DNAJC1: variants seen among roughly 807,000 people sequenced by gnomAD.
DNAJC1 encodes the protein DnaJ heat shock protein family (Hsp40) member C1, also known as dnaJ homolog subfamily C member 1.
DNAJC1 carries 58 observed loss-of-function variants against 76.6 expected under a neutral mutation model. The ratio of observed to expected loss-of-function variants is 0.76; its 90% CI spans 0.61 to 0.94. The LOEUF (loss-of-function observed/expected upper bound fraction) is 0.94, where lower values mean the gene tolerates loss of function less well. Among genes scored for constraint, DNAJC1 ranks in the 40% least tolerant of loss-of-function variants. DNAJC1 has a pLI of 0.00. For missense variants in DNAJC1, 689 were observed against 677.3 expected (o/e 1.02, Z -0.19); for synonymous variants, 258 against 267.9 (o/e 0.96, Z 0.36).
chr10:21,924,739 A>C (rs546037678), intron 3 of DNAJC1, among the ~76,000 whole-genome samples: 35 of 152,316 alleles, frequency 2.3e-4, no homozygotes, highest in Middle Eastern at 3.4e-3. Context: ...ATAATTAGGC[A>C]AACTGTTAGG....
intron 8 of DNAJC1, among the ~76,000 whole-genome samples, chr10:21,857,202 T>G (rs765261947): frequency 6.6e-6 from 1 of 152,164 alleles, no homozygotes; most frequent in Non-Finnish European, 1.5e-5. Flanking sequence ...CCATTTTACT[T>G]GGAAATGAAG....
intron 1 of DNAJC1, among the ~76,000 whole-genome samples, chr10:21,992,846 T>C (rs1838348302): frequency 6.6e-6 from 1 of 152,228 alleles, no homozygotes; most frequent in Admixed American, 6.5e-5. Flanking sequence ...CAGTGGATCG[T>C]TACAGATCAT....
chr10:21,784,842 C>A (rs180857199), intron 9 of DNAJC1, among the ~76,000 whole-genome samples: 1 of 151,620 alleles, frequency 6.6e-6, no homozygotes, highest in African/African-American at 2.4e-5. Context: ...TAGGTGGGAA[C>A]TGAACAATGA....
In DNAJC1 at chr10:21,759,233, CT is replaced by C. The variant is rs1315720679; in HGVS notation, c.1532del (p.Gln511ArgfsTer13). On this transcript the variant is annotated frameshift_variant, in exon 11 of 12. Transcript: ENST00000376980. LOFTEE classifies it high-confidence loss of function. ...AGCGGTCAGAGGATCCCCTTGGGTACTGCTGCAACGCCAGTTCCAGAAGTTT... is the reference window on the plus strand; with the variant it reads ...AGCGGTCAGAGGATCCCCTTGGGTACGCTGCAACGCCAGTTCCAGAAGTTT... ...QQKLLELALQQYPRGSSDRWD... is the reference protein window; with the variant it reads ...QQKLLELALQXYPRGSSDRWD... The C allele has an allele frequency of 6.2e-7, 1 of 1,614,116 alleles. No homozygotes were observed. Among genetic ancestry groups the C allele is most frequent in the Non-Finnish European group, 8.5e-7 (1 of 1,180,052 alleles).
At chr10:21,990,181 T>C (rs904145025) in intron 1 of DNAJC1, among the ~76,000 whole-genome samples, 5 of 152,210 alleles carry the variant, frequency 3.3e-5, no homozygotes, top group Non-Finnish European at 7.3e-5. Flanking sequence ...AATCATCTTA[T>C]TTTTCAATCT....
chr10:21,883,358 A>G (rs1320599513), intron 7 of DNAJC1, among the ~76,000 whole-genome samples: 1 of 152,016 alleles, frequency 6.6e-6, no homozygotes, highest in East Asian at 1.9e-4. Context: ...AGTCAAACTC[A>G]GCCTCATAAG....
chr10:21,759,203 G>A lies in DNAJC1; in HGVS notation c.1563C>T (p.Asp521=). ...TGGACGGGACACATCTGGCTATTTT[G>A]TCCCAGCGGTCAGAGGATCCCCTTG... ...QYPRGSSDRW[D]KIARCVPSKS... Residue 521 remains aspartate, a synonymous_variant, in exon 11 of 12, where the codon GAC becomes GAT. Coordinates refer to ENST00000376980, the MANE Select transcript of DNAJC1 (RefSeq NM_022365.4). 1 of 1,614,102 alleles carries A rather than the reference G, an allele frequency of 6.2e-7. No homozygotes were observed. The highest frequency in any genetic ancestry group is 8.5e-7 in the Non-Finnish European group (1 of 1,180,032).
intron 1 of DNAJC1, among the ~76,000 whole-genome samples, chr10:21,998,961 T>C (rs1838468161): frequency 1.3e-5 from 2 of 152,216 alleles, no homozygotes; most frequent in Admixed American, 1.3e-4. Flanking sequence ...GCAACTAACT[T>C]GTCCAAGGTC....
At chr10:21,757,558 T>C (rs1320022602) in intron 11 of DNAJC1, among the ~76,000 whole-genome samples, 1 of 152,242 alleles carries the variant, frequency 6.6e-6, no homozygotes, top group Non-Finnish European at 1.5e-5. Context: ...AGTGGTGTTA[T>C]GAGAGTCTCT....
chr10:21,933,418 T>C (rs1437535447), intron 1 of DNAJC1: 1 of 152,372 alleles, frequency 6.6e-6, no homozygotes, highest in Non-Finnish European at 1.5e-5. Flanking sequence ...TGACATGCTT[T>C]GGGGACTAAG....
chr10:21,981,166 C>G (rs1378306993), intron 1 of DNAJC1, among the ~76,000 whole-genome samples: 1 of 152,086 alleles, frequency 6.6e-6, no homozygotes, highest in Non-Finnish European at 1.5e-5. Context: ...GAAGTCAAAC[C>G]AGATCTCCCC....
intron 1 of DNAJC1, among the ~76,000 whole-genome samples, chr10:21,953,888 C>CACACTTT (rs1330269867): frequency 7.2e-6 from 1 of 139,642 alleles, no homozygotes; most frequent in Non-Finnish European, 1.5e-5. Context: ...TCACCACTTA[C>CACACTTT]ACACTTTCCT....
chr10:21,812,876 T>A lies in DNAJC1; in HGVS notation c.979-6777A>T, dbSNP rs1217023761. ...TGATAACAAGTCAGCCTCCAAGGTGTTCCTCAGTGATTCCCACTTCCTAGT... is the reference window on the plus strand; with the variant it reads ...TGATAACAAGTCAGCCTCCAAGGTGATCCTCAGTGATTCCCACTTCCTAGT... On this transcript the variant is annotated intron_variant, in intron 8 of 11. Coordinates refer to ENST00000376980, the MANE Select transcript of DNAJC1 (RefSeq NM_022365.4). Among the ~76,000 whole-genome samples, 3 of 151,942 alleles carry A rather than the reference T, an allele frequency of 2.0e-5. No individual in the cohort carries two copies. In the East Asian group the frequency reaches 5.8e-4, roughly 29 times the overall value.
chr10:21,767,800 AG>A (rs199702089), intron 9 of DNAJC1, among the ~76,000 whole-genome samples: 1,751 of 152,288 alleles, frequency 0.011, 18 homozygotes, highest in Non-Finnish European at 0.02. Context: ...GTTCGAGACC[AG>A]CCTGGTCAAT....
In DNAJC1 at chr10:21,786,755, G is replaced by A. The variant is rs190845533; in HGVS notation, c.1098+19225C>T. On this transcript the variant is annotated intron_variant, in intron 9 of 11. Coordinates refer to ENST00000376980, the MANE Select transcript of DNAJC1 (RefSeq NM_022365.4). ...CAAAGCACTGGGATTATAGGCATGAGCCACTGTGCCTGGACTAAAACGGGA... is the reference window on the plus strand; with the variant it reads ...CAAAGCACTGGGATTATAGGCATGAACCACTGTGCCTGGACTAAAACGGGA... Among the ~76,000 whole-genome samples the A allele has an allele frequency of 3.4e-3, 520 of 152,168 alleles. 1 individual carries two copies. The highest frequency in any genetic ancestry group is 5.7e-3 in the Non-Finnish European group (389 of 67,972).
At chr10:21,847,347 G>T (rs552973558) in intron 8 of DNAJC1, among the ~76,000 whole-genome samples, 60 of 152,040 alleles carry the variant, frequency 3.9e-4, no homozygotes, top group African/African-American at 1.4e-3. Context: ...ATATTTATGG[G>T]GCACATGTGA....
intron 6 of DNAJC1, among the ~76,000 whole-genome samples, chr10:21,915,457 CCTCTGAAT>C (rs1281418987): frequency 1.4e-4 from 21 of 152,280 alleles, no homozygotes; most frequent in African/African-American, 5.1e-4. Flanking sequence ...TTGCTGGAAG[CCTCTGAAT>C]CTCCCACTTT....
At chr10:21,956,247 C>T (rs1423211700) in intron 1 of DNAJC1, among the ~76,000 whole-genome samples, 1 of 152,068 alleles carries the variant, frequency 6.6e-6, no homozygotes, top group Non-Finnish European at 1.5e-5. Context: ...AATAACTAAC[C>T]ATCTCCCACC....
intron 9 of DNAJC1, among the ~76,000 whole-genome samples, chr10:21,788,503 G>A (rs1462155234): frequency 6.6e-6 from 1 of 152,176 alleles, no homozygotes; most frequent in Non-Finnish European, 1.5e-5. Context: ...TCTGGAGCTG[G>A]ACCAGCACCC....
Sources: allele counts gnomAD v4.1 joint callset (sites outside exome capture counted in the v4.1 genomes callset), GRCh38; gene constraint gnomAD v4.1.1; transcripts MANE v1.5; gene names NCBI Gene and HGNC (gene_info 2026-07-23, HGNC 2026-07-21).